The following KCNQ1 variants were observed in gnomAD, a reference collection of about 807,000 sequenced individuals.
KCNQ1 encodes the protein potassium voltage-gated channel subfamily KQT member 1.
A neutral mutation model predicts 72.4 loss-of-function variants in KCNQ1; 49 were observed. The ratio of observed to expected loss-of-function variants is 0.68; its 90% CI spans 0.54 to 0.86. KCNQ1 has a LOEUF of 0.86. Ranked by LOEUF, KCNQ1 falls within the 40% of genes least tolerant of loss-of-function variation. The probability of loss-of-function intolerance (pLI) is 0.00; values close to 1 mark genes in which losing one functional copy is unlikely to be tolerated. For synonymous variants in KCNQ1, 450 were observed against 412.6 expected (o/e 1.09, Z -1.10); for missense variants, 790 against 945.1 (o/e 0.84, Z 2.15).
rs188764099 is a variant in KCNQ1, at chr11:2,449,739, C to T, written c.386+4255C>T. On this transcript the variant is annotated intron_variant, in intron 1 of 15. Coordinates refer to ENST00000155840, the MANE Select transcript of KCNQ1 (RefSeq NM_000218.3). ...ACAGGGGTTGCCAGGCAACTCCACCCGGGTGGCTGATGCCCCCGTTTTTAA... is the reference window on the plus strand; with the variant it reads ...ACAGGGGTTGCCAGGCAACTCCACCTGGGTGGCTGATGCCCCCGTTTTTAA... 6.9e-4 allele frequency among the ~76,000 whole-genome samples: 105 copies of T among 152,256 alleles called. 1 individual carries two copies. The highest frequency in any genetic ancestry group is 2.4e-3 in the African/African-American group (100 of 41,540).
rs959174093 is a variant in KCNQ1 at position 2,498,964 on chromosome 11, G to A, written c.387-28964G>A. Among the ~76,000 whole-genome samples the A allele has an allele frequency of 2.6e-5, 4 of 152,156 alleles. No homozygotes were observed. Among genetic ancestry groups the A allele is most frequent in the Admixed American group, 1.3e-4 (2 of 15,276 alleles). ...CAAACTGCATGTTTGCAGTTCCCTC[G>A]GCTGGGGGAGGGAGGTCTCCCGGCT... On this transcript the variant is annotated intron_variant, in intron 1 of 15. Transcript: ENST00000155840. The surrounding 1 kb of genome is among the most constrained non-coding windows in gnomAD (Gnocchi z 4.8).
In KCNQ1 at chr11:2,621,228, T is replaced by A; in HGVS notation, c.1393+32374T>A. 2.5e-6 allele frequency: 1 copy of A among 398,096 alleles called. No individual in the cohort carries two copies. The highest frequency in any genetic ancestry group is 4.4e-6 in the Non-Finnish European group (1 of 226,072). The allele number at this position is 398,096 out of a possible 1,614,324, so 24.7% of individuals were successfully genotyped here. On this transcript the variant is annotated intron_variant, in intron 10 of 15. Transcript: ENST00000155840. This position sits in a 1 kb window ranked among gnomAD's most constrained non-coding sequence, Gnocchi z 5.7. ...CCTGACCCCAGATGATCCACGCACCTCAGCCTCCCAAAGTGCTAGGACTAC... is the reference window on the plus strand; with the variant it reads ...CCTGACCCCAGATGATCCACGCACCACAGCCTCCCAAAGTGCTAGGACTAC...
At chr11:2,688,018 C>G (rs549864403) in intron 11 of KCNQ1, 4 of 398,748 alleles carry the variant, frequency 1.0e-5, no homozygotes, top group Middle Eastern at 6.3e-4. Flanking sequence ...CAGCACCCCT[C>G]TAGGCTTGGG....
At chr11:2,453,486 G>T (rs1274187979) in intron 1 of KCNQ1, among the ~76,000 whole-genome samples, 4 of 152,216 alleles carry the variant, frequency 2.6e-5, no homozygotes, top group Non-Finnish European at 5.9e-5. Flanking sequence ...GAAAACAGAA[G>T]AAAACCCACA....
chr11:2,593,436 A>T lies in KCNQ1; in HGVS notation c.1393+4582A>T, dbSNP rs1848695555. Among the ~76,000 whole-genome samples the T allele has an allele frequency of 6.6e-6, 1 of 152,080 alleles. No homozygotes were observed. Among genetic ancestry groups the T allele is most frequent in the Non-Finnish European group, 1.5e-5 (1 of 68,010 alleles). On this transcript the variant is annotated intron_variant, in intron 10 of 15. Transcript: ENST00000155840. The surrounding 1 kb of genome is among the most constrained non-coding windows in gnomAD (Gnocchi z 6.9). ...GTAAGGTCGTGGTCTGTGACGTAGG[A>T]TCGGGCAGCACGCACCTTTCCACCT...
intron 1 of KCNQ1, among the ~76,000 whole-genome samples, chr11:2,511,109 G>A (rs1050974039): frequency 6.6e-5 from 10 of 152,194 alleles, no homozygotes; most frequent in Non-Finnish European, 1.2e-4. Flanking sequence ...CACCCCTGGA[G>A]CCCAGCGTGG....
At chr11:2,774,084 C>T (rs336982) in intron 12 of KCNQ1, among the ~76,000 whole-genome samples, 23,093 of 152,052 alleles carry the variant, frequency 0.15, 2,005 homozygotes, top group South Asian at 0.2. Context: ...TCAGTATCTC[C>T]ATCTTATAGG....
intron 10 of KCNQ1, among the ~76,000 whole-genome samples, chr11:2,591,342 G>A (rs1848667657): frequency 6.6e-6 from 1 of 152,222 alleles, no homozygotes; most frequent in African/African-American, 2.4e-5. Flanking sequence ...CCGCTCCACT[G>A]GGCACCAGGC....
At position 2,608,478 on chromosome 11, in the gene KCNQ1, T is replaced by C. The variant is rs1848918129; in HGVS notation, c.1393+19624T>C. 5.0e-6 allele frequency: 2 copies of C among 398,550 alleles called. No homozygotes were observed. The highest frequency in any genetic ancestry group is 8.8e-6 in the Non-Finnish European group (2 of 226,050). The allele number at this position is 398,550 out of a possible 1,614,324, so 24.7% of individuals were successfully genotyped here. A position where few individuals can be genotyped will look rare whatever the true frequency, so the allele number is the denominator to read the frequency against. ...GTATACTTCCCTCATTCATTCCTTT[T>C]TCCTTTTCTTTTTGAGAAACAGAGT... is the stretch of plus-strand genomic sequence containing the variant. On this transcript the variant is annotated intron_variant, in intron 10 of 15. Coordinates refer to ENST00000155840, the MANE Select transcript of KCNQ1 (RefSeq NM_000218.3). This position sits in a 1 kb window ranked among gnomAD's most constrained non-coding sequence, Gnocchi z 4.6.
At chr11:2,799,316 C>A (rs1162556916) in intron 15 of KCNQ1, among the ~76,000 whole-genome samples, 2 of 152,060 alleles carry the variant, frequency 1.3e-5, no homozygotes, top group Non-Finnish European at 2.9e-5. Context: ...TGACAACCAG[C>A]GCTCTTTGGA....
intron 1 of KCNQ1, among the ~76,000 whole-genome samples, chr11:2,449,160 TC>T (rs1846085703): frequency 6.6e-6 from 1 of 152,170 alleles, no homozygotes; most frequent in South Asian, 2.1e-4. Flanking sequence ...TGCGTCTCAT[TC>T]TCTGTGGCAG....
intron 15 of KCNQ1, among the ~76,000 whole-genome samples, chr11:2,810,815 A>G (rs1347648989): frequency 6.6e-6 from 1 of 152,208 alleles, no homozygotes; most frequent in East Asian, 1.9e-4. Context: ...GGAACCCCAT[A>G]TGTTAGAGCT....
chr11:2,808,223 C>T lies in KCNQ1; in HGVS notation c.1794+30186C>T, dbSNP rs924896377. Among the ~76,000 whole-genome samples, 75 of 152,326 alleles carry T rather than the reference C, an allele frequency of 4.9e-4. No individual in the cohort carries two copies. Among genetic ancestry groups the T allele is most frequent in the African/African-American group, 1.7e-3 (71 of 41,574 alleles). On this transcript the variant is annotated intron_variant, in intron 15 of 15. Transcript: ENST00000155840. This position sits in a 1 kb window ranked among gnomAD's most constrained non-coding sequence, Gnocchi z 6.0. ...TGAGGGTGAACCCATCCAGGCTGGC[C>T]CGCCTTCCAGCCCTCCCCCAGCACC...
chr11:2,791,688 GGCAGCT>G (rs1039199256), intron 15 of KCNQ1, among the ~76,000 whole-genome samples: 15 of 151,926 alleles, frequency 9.9e-5, no homozygotes, highest in African/African-American at 2.9e-4. Context: ...GGGGCTTGGC[GGCAGCT>G]GCGGGTGGGG....
intron 11 of KCNQ1, among the ~76,000 whole-genome samples, chr11:2,716,403 C>T (rs1851093081): frequency 6.6e-6 from 1 of 152,156 alleles, no homozygotes; most frequent in African/African-American, 2.4e-5. Flanking sequence ...AAAGGTGGCC[C>T]ATTGGCCAGA....
Position 2,769,523 on chromosome 11 carries a change from CT to C in KCNQ1, c.1590+606del, listed in dbSNP as rs1222631295. On this transcript the variant is annotated intron_variant, in intron 12 of 15. Transcript: ENST00000155840. This position sits in a 1 kb window ranked among gnomAD's most constrained non-coding sequence, Gnocchi z 4.6. Reference sequence around the variant, plus strand: ...GGGCATGTCCCCCCTACAGAAGCCCCTTAGAGCCCCCAGAGTCCATGCCCCG... The same window carrying C: ...GGGCATGTCCCCCCTACAGAAGCCCCTAGAGCCCCCAGAGTCCATGCCCCG... 6.6e-6 allele frequency among the ~76,000 whole-genome samples: 1 copy of C among 152,358 alleles called. No individual in the cohort carries two copies. The highest frequency in any genetic ancestry group is 2.4e-5 in the African/African-American group (1 of 41,596).
At chr11:2,729,729 G>A (rs1845821198) in intron 11 of KCNQ1, among the ~76,000 whole-genome samples, 1 of 152,210 alleles carries the variant, frequency 6.6e-6, no homozygotes, top group Non-Finnish European at 1.5e-5. Context: ...ACACCATTTC[G>A]TATCGGGGGC....
At chr11:2,557,606 T>C (rs562145021) in intron 2 of KCNQ1, among the ~76,000 whole-genome samples, 32 of 152,346 alleles carry the variant, frequency 2.1e-4, no homozygotes, top group African/African-American at 7.5e-4. Context: ...CTCTGCATAG[T>C]ATCAGCTGGG....
intron 10 of KCNQ1, chr11:2,637,111 T>C (rs1412912942): frequency 6.6e-6 from 1 of 152,212 alleles, no homozygotes; most frequent in Non-Finnish European, 1.5e-5. Flanking sequence ...ATCAATTTTG[T>C]TGATCTTTTC....
Sources: gnomAD v4.1 joint callset for allele counts (sites outside exome capture counted in the v4.1 genomes callset) on GRCh38, gnomAD v4.1.1 for gene constraint, Gnocchi (gnomAD v3.1) non-coding constraint, MANE v1.5 for transcripts, NCBI Gene and HGNC (gene_info 2026-07-23, HGNC 2026-07-21) for gene names.